The following CNTN5 variants were observed in gnomAD, a reference collection of about 807,000 sequenced individuals.
The protein encoded by CNTN5 is contactin-5.
CNTN5 carries 77 observed loss-of-function variants against 129.1 expected under a neutral mutation model. That is an observed-to-expected ratio of 0.60 (90% CI 0.50 to 0.72). CNTN5 has a LOEUF of 0.72. Among genes scored for constraint, CNTN5 ranks in the 30% least tolerant of loss-of-function variants. The pLI, the probability that CNTN5 is intolerant of heterozygous loss-of-function variation, is 0.00. For missense variants in CNTN5, 1,478 were observed against 1,328.8 expected, an observed-to-expected ratio of 1.11 and a Z score of -1.75; for synonymous variants, 509 against 465.6, an observed-to-expected ratio of 1.09 and a Z score of -1.20.
intron 13 of CNTN5, among the ~76,000 whole-genome samples, chr11:100,178,050 A>T (rs17094521): frequency 0.031 from 4,692 of 152,162 alleles, 244 homozygotes; most frequent in African/African-American, 0.11. Flanking sequence ...TTATTTATGA[A>T]GGTTTTCAGA....
At chr11:99,117,723 T>C (rs1167062941) in intron 1 of CNTN5, among the ~76,000 whole-genome samples, 1 of 152,162 alleles carries the variant, frequency 6.6e-6, no homozygotes, top group Non-Finnish European at 1.5e-5. Flanking sequence ...ATGGGAGTAG[T>C]GTCCTTCTAG....
At chr11:99,540,988 T>G (rs1237234964) in intron 2 of CNTN5, among the ~76,000 whole-genome samples, 1 of 152,072 alleles carries the variant, frequency 6.6e-6, no homozygotes, top group African/African-American at 2.4e-5. Context: ...AGTTTTGCTT[T>G]TATGCAAAAA....
At chr11:99,593,678 G>C (rs4619118) in intron 3 of CNTN5, among the ~76,000 whole-genome samples, 106,686 of 152,048 alleles carry the variant, frequency 0.7, 37,594 homozygotes, top group East Asian at 0.87. Context: ...CAAATTTTAG[G>C]TTGTTTTGTT....
At chr11:99,922,730 G>A (rs549414444) in intron 7 of CNTN5, among the ~76,000 whole-genome samples, 1 of 152,244 alleles carries the variant, frequency 6.6e-6, no homozygotes, top group African/African-American at 2.4e-5. Flanking sequence ...TTTCCAAGTA[G>A]ATTATATGTT....
chr11:99,046,238 G>A (rs1335311824), intron 1 of CNTN5, among the ~76,000 whole-genome samples: 1 of 152,068 alleles, frequency 6.6e-6, no homozygotes, highest in Admixed American at 6.5e-5. Context: ...TACTTGGGAG[G>A]CTGATGCCTG....
chr11:100,178,303 T>C (rs1948032284), intron 13 of CNTN5, among the ~76,000 whole-genome samples: 1 of 152,140 alleles, frequency 6.6e-6, no homozygotes, highest in Non-Finnish European at 1.5e-5. Flanking sequence ...ATGCTCACTT[T>C]TGAATTCTCC....
intron 3 of CNTN5, among the ~76,000 whole-genome samples, chr11:99,645,512 G>T (rs7121508): frequency 0.6 from 90,250 of 150,618 alleles, 27,836 homozygotes; most frequent in Admixed American, 0.69. Context: ...ATGTTTATTG[G>T]AGCACTGTTC....
intron 1 of CNTN5, among the ~76,000 whole-genome samples, chr11:99,291,980 A>G (rs907447825): frequency 1.3e-5 from 2 of 152,064 alleles, no homozygotes; most frequent in African/African-American, 4.8e-5. Context: ...TAAAAACATT[A>G]CAATATTTGA....
chr11:99,036,112 G>T (rs1320581382), intron 1 of CNTN5, among the ~76,000 whole-genome samples: 1 of 151,992 alleles, frequency 6.6e-6, no homozygotes, highest in Non-Finnish European at 1.5e-5. Flanking sequence ...ACTCTCTTTT[G>T]GCTTGTAGAG....
At chr11:100,066,495 GCA>G (rs1943701046) in intron 10 of CNTN5, among the ~76,000 whole-genome samples, 1 of 152,014 alleles carries the variant, frequency 6.6e-6, no homozygotes, top group Non-Finnish European at 1.5e-5. Context: ...TTTTCTTTAT[GCA>G]CATCTGCTTA....
intron 15 of CNTN5, among the ~76,000 whole-genome samples, chr11:100,219,047 T>G (rs2138611807): frequency 6.6e-6 from 1 of 152,294 alleles, no homozygotes; most frequent in Admixed American, 6.5e-5. Flanking sequence ...TTGCTAAAAC[T>G]ATATAAGGCA....
chr11:99,074,617 G>A (rs1216449212), intron 1 of CNTN5, among the ~76,000 whole-genome samples: 1 of 152,126 alleles, frequency 6.6e-6, no homozygotes, highest in Non-Finnish European at 1.5e-5. Context: ...GATTACAGAC[G>A]TGAGCCACTG....
At chr11:100,285,815 G>A (rs897296592) in intron 18 of CNTN5, among the ~76,000 whole-genome samples, 2 of 152,140 alleles carry the variant, frequency 1.3e-5, no homozygotes, top group Admixed American at 6.5e-5. Context: ...CGCAGAAGAC[G>A]GGTGATTTCT....
At chr11:99,911,689 G>A (rs1035144147) in intron 6 of CNTN5, among the ~76,000 whole-genome samples, 2 of 151,194 alleles carry the variant, frequency 1.3e-5, no homozygotes, top group African/African-American at 4.9e-5. Context: ...GTGTTTGTGT[G>A]TGGGTACATA....
intron 1 of CNTN5, among the ~76,000 whole-genome samples, chr11:99,173,475 G>T (rs1857626679): frequency 6.6e-6 from 1 of 152,072 alleles, no homozygotes; most frequent in Non-Finnish European, 1.5e-5. Flanking sequence ...AGATATTATT[G>T]GTCAGATTTT....
intron 3 of CNTN5, among the ~76,000 whole-genome samples, chr11:99,660,463 TA>T (rs1233834836): frequency 6.6e-6 from 1 of 152,088 alleles, no homozygotes; most frequent in Admixed American, 6.6e-5. Context: ...TTATGCAACT[TA>T]AATATGTGCA....
intron 6 of CNTN5, among the ~76,000 whole-genome samples, chr11:99,879,489 A>C (rs1033282778): frequency 1.3e-5 from 2 of 152,210 alleles, no homozygotes; most frequent in Non-Finnish European, 2.9e-5. Context: ...TAAACATAGA[A>C]GCTCCCAAAA....
At chr11:99,882,667 A>T (rs1213671221) in intron 6 of CNTN5, among the ~76,000 whole-genome samples, 2 of 152,186 alleles carry the variant, frequency 1.3e-5, no homozygotes, top group Non-Finnish European at 2.9e-5. Flanking sequence ...ATATAAAATG[A>T]GGTTATCCAT....
chr11:100,271,390 A>G, intron 18 of CNTN5, 149 bp downstream of exon 18: 1 of 501,716 alleles, frequency 2.0e-6, no homozygotes, highest in Non-Finnish European at 3.3e-6. Context: ...TTTCTTTAAA[A>G]TAATTATTTC....
Sources: gnomAD v4.1 joint callset for allele counts (sites outside exome capture counted in the v4.1 genomes callset) on GRCh38, gnomAD v4.1.1 for gene constraint, MANE v1.5 for transcripts, NCBI Gene and HGNC (gene_info 2026-07-23, HGNC 2026-07-21) for gene names.